CYTH3: variants seen among roughly 807,000 people sequenced by gnomAD.
CYTH3 encodes cytohesin-3.
A neutral mutation model predicts 55.1 loss-of-function variants in CYTH3; 23 were observed. That is an observed-to-expected ratio of 0.42 (90% CI 0.30 to 0.59). The LOEUF is 0.59. Ranked by LOEUF, CYTH3 falls within the 20% of genes least tolerant of loss-of-function variation. The pLI, the probability that CYTH3 is intolerant of heterozygous loss-of-function variation, is 0.20. For missense variants in CYTH3, 413 were observed against 524.8 expected (o/e 0.79, Z 2.08); for synonymous variants, 249 against 194.9 (o/e 1.28, Z -2.31).
At chr7:6,236,101 C>G (rs144489980) in intron 1 of CYTH3, among the ~76,000 whole-genome samples, 2 of 152,176 alleles carry the variant, frequency 1.3e-5, no homozygotes, top group African/African-American at 2.4e-5. Context: ...GGATTACATC[C>G]GAAAGGATGA....
intron 1 of CYTH3, among the ~76,000 whole-genome samples, chr7:6,223,090 T>C (rs1779121946): frequency 2.0e-5 from 3 of 152,262 alleles, no homozygotes; most frequent in Non-Finnish European, 4.4e-5. Flanking sequence ...CGGTCTGGCA[T>C]GTGAGAAGCG....
intron 1 of CYTH3, among the ~76,000 whole-genome samples, chr7:6,247,942 C>T (rs1301294379): frequency 4.6e-5 from 7 of 152,172 alleles, no homozygotes; most frequent in East Asian, 1.9e-4. Flanking sequence ...GCTGGGAATA[C>T]AGGCATAAGC....
intron 1 of CYTH3, among the ~76,000 whole-genome samples, chr7:6,220,762 G>A (rs372498617): frequency 3.3e-5 from 5 of 152,028 alleles, no homozygotes; most frequent in African/African-American, 7.3e-5. Flanking sequence ...TTGGGAGGCC[G>A]AGGCAGGTGG....
chr7:6,165,053 G>C, intron 12 of CYTH3, 37 bp from the exon 13 acceptor site: 2 of 1,612,908 alleles, frequency 1.2e-6, no homozygotes, highest in Non-Finnish European at 1.7e-6. Flanking sequence ...TTAGGTCGTG[G>C]GTGACACACA....
At position 6,173,646 on chromosome 7, in the gene CYTH3, T is replaced by C. The variant is rs745946976; in HGVS notation, c.449+7A>G. The C allele has an allele frequency of 2.8e-5, 45 of 1,594,928 alleles. No homozygotes were observed. The highest frequency in any genetic ancestry group is 6.7e-5 in the Admixed American group (4 of 59,976). ...CCACTCTACACCCAGCAAATGATCA[T>C]ACTTACCTTAAGGCTTGTACAAGGT... On this transcript the variant is annotated splice_region_variant and intron_variant, in intron 6 of 12. Transcript: ENST00000350796.
chr7:6,251,031 CA>C (rs1779948281), intron 1 of CYTH3, among the ~76,000 whole-genome samples: 1 of 152,208 alleles, frequency 6.6e-6, no homozygotes, highest in South Asian at 2.1e-4. Context: ...GTAATCCCAG[CA>C]CTTTGGGAGG....
At chr7:6,212,190 G>A (rs560622793) in intron 1 of CYTH3, among the ~76,000 whole-genome samples, 5 of 152,114 alleles carry the variant, frequency 3.3e-5, no homozygotes, top group African/African-American at 1.2e-4. Flanking sequence ...CTGGAGTATG[G>A]TGGTCAATAA....
rs535778723 is a variant in CYTH3 at position 6,182,170 on chromosome 7, C to T, written c.250-4229G>A. On this transcript the variant is annotated intron_variant, in intron 4 of 12. Transcript: ENST00000350796. ...TCAAGTGATTCTCCTGCCTCAGCCT[C>T]CCGAGTAGCTGAGATTACAGGTGCC... Among the ~76,000 whole-genome samples the T allele has an allele frequency of 1.2e-4, 18 of 152,220 alleles. No homozygotes were observed. The East Asian group carries it at 3.5e-3, about 29-fold the overall frequency.
chr7:6,228,110 C>T (rs570842990), intron 1 of CYTH3, among the ~76,000 whole-genome samples: 12 of 152,324 alleles, frequency 7.9e-5, no homozygotes, highest in South Asian at 2.1e-4. Flanking sequence ...TCTGCTAACC[C>T]AAGGCTCACA....
Position 6,171,438 on chromosome 7 carries a change from G to A in CYTH3, c.450-124C>T. On this transcript the variant is annotated intron_variant, in intron 6 of 12. Coordinates refer to ENST00000350796, the MANE Select transcript of CYTH3 (RefSeq NM_004227.4). The surrounding 1 kb of genome is among the most constrained non-coding windows in gnomAD (Gnocchi z 6.7). ...CGAGCCTGGGGTACAGCTCTGGCAG[G>A]GGCTTGGGGGCGCAGAGACAGAAAG... 2.7e-6 allele frequency: 2 copies of A among 746,794 alleles called. No individual in the cohort carries two copies. The highest frequency in any genetic ancestry group is 2.7e-5 in the East Asian group (1 of 37,204). The allele number at this position is 746,794 out of a possible 1,614,324, so 46.3% of individuals were successfully genotyped here.
intron 1 of CYTH3, among the ~76,000 whole-genome samples, chr7:6,200,256 T>C (rs1400449989): frequency 6.6e-6 from 1 of 152,192 alleles, no homozygotes; most frequent in Non-Finnish European, 1.5e-5. Context: ...AGCTTTCTAG[T>C]TTACTGCTAT....
intron 6 of CYTH3, chr7:6,172,806 CTTA>C (rs1783237494): frequency 7.8e-7 from 1 of 1,282,532 alleles, no homozygotes; most frequent in African/African-American, 1.5e-5. Context: ...CTGCAGGATT[CTTA>C]TATGTTGCGA....
At chr7:6,181,674 T>C (rs1783505931) in intron 4 of CYTH3, among the ~76,000 whole-genome samples, 1 of 152,234 alleles carries the variant, frequency 6.6e-6, no homozygotes, top group Non-Finnish European at 1.5e-5. Flanking sequence ...TCTAAAATAT[T>C]CCAAGATTTC....
chr7:6,213,582 C>T (rs1784367294), intron 1 of CYTH3, among the ~76,000 whole-genome samples: 1 of 151,932 alleles, frequency 6.6e-6, no homozygotes, highest in East Asian at 1.9e-4. Flanking sequence ...TCTTTAATTA[C>T]CCAATTTGAA....
intron 1 of CYTH3, among the ~76,000 whole-genome samples, chr7:6,248,845 CTCT>C (rs1367368934): frequency 2.0e-5 from 3 of 152,218 alleles, no homozygotes; most frequent in Non-Finnish European, 4.4e-5. Flanking sequence ...CTTTTCATCT[CTCT>C]TTTTCTCAAT....
intron 5 of CYTH3, 93 bp from the exon 6 acceptor site, chr7:6,173,826 C>A: frequency 1.3e-6 from 1 of 781,762 alleles, no homozygotes; most frequent in Non-Finnish European, 2.3e-6. Context: ...TATGAACGTT[C>A]ATGCACAAGT....
chr7:6,164,913 G>A lies in CYTH3; in HGVS notation c.*31C>T. 1 of 1,613,758 alleles carries A rather than the reference G, an allele frequency of 6.2e-7. No homozygotes were observed. The highest frequency in any genetic ancestry group is 1.7e-5 in the Admixed American group (1 of 60,024). ...CGCGGTGTCTTTCTGCTGGGGTTGGGTCTTTTACCTGGGTCTTTTAGCCAG... is the reference window on the plus strand; with the variant it reads ...CGCGGTGTCTTTCTGCTGGGGTTGGATCTTTTACCTGGGTCTTTTAGCCAG... On this transcript the variant is annotated 3_prime_UTR_variant, in exon 13 of 13. Coordinates refer to ENST00000350796, the MANE Select transcript of CYTH3 (RefSeq NM_004227.4).
rs185622578 is a variant in CYTH3 at position 6,176,880 on chromosome 7, G to A, written c.368+943C>T. On this transcript the variant is annotated intron_variant, in intron 5 of 12. Coordinates refer to ENST00000350796, the MANE Select transcript of CYTH3 (RefSeq NM_004227.4). ...TATAGGTACCCTCCATCATGTTGAA[G>A]AAGTTCCATGCCTGTCTTAGCTTTT... 2.8e-3 allele frequency among the ~76,000 whole-genome samples: 430 copies of A among 152,312 alleles called. 2 individuals are homozygous for A. Among genetic ancestry groups the A allele is most frequent in the African/African-American group, 9.1e-3 (379 of 41,576 alleles).
At chr7:6,207,630 C>T (rs1229705001) in intron 1 of CYTH3, among the ~76,000 whole-genome samples, 1 of 151,758 alleles carries the variant, frequency 6.6e-6, no homozygotes, top group African/African-American at 2.4e-5. Flanking sequence ...GCCTGGGTGA[C>T]AGAGCGAGAC....
Sources: allele counts gnomAD v4.1 joint callset (sites outside exome capture counted in the v4.1 genomes callset), GRCh38; gene constraint gnomAD v4.1.1; non-coding constraint Gnocchi (gnomAD v3.1); transcripts MANE v1.5; gene names NCBI Gene and HGNC (gene_info 2026-07-23, HGNC 2026-07-21).